CHM: variants seen among roughly 807,000 people sequenced by gnomAD.
The protein encoded by CHM is CHM Rab escort protein, also known as rab proteins geranylgeranyltransferase component A 1.
CHM carries 10 observed loss-of-function variants against 49.0 expected under a neutral mutation model. That is an observed-to-expected ratio of 0.20 (90% CI 0.13 to 0.35). CHM has a LOEUF of 0.35. Ranked by LOEUF, CHM falls within the 10% of genes least tolerant of loss-of-function variation. The pLI is 1.00. For missense variants in CHM, 455 were observed against 478.4 expected (o/e 0.95, Z 0.46); for synonymous variants, 184 against 167.5 (o/e 1.10, Z -0.76).
At chrX:85,896,105 C>CT (rs1364596620) in intron 11 of CHM, among the ~76,000 whole-genome samples, 1 of 99,868 alleles carries the variant, frequency 1.0e-5, no homozygotes, top group Non-Finnish European at 2.0e-5. Flanking sequence ...ATTCTTCCCT[C>CT]TAAGTCTCAT....
chrX:85,942,368 T>C (rs1929161720), intron 8 of CHM, among the ~76,000 whole-genome samples: 1 of 108,028 alleles, frequency 9.3e-6, no homozygotes, highest in South Asian at 4.2e-4. Flanking sequence ...GGAATGTTTA[T>C]CTGAGTTTAA....
chrX:85,921,965 T>C (rs1927811934), intron 8 of CHM, among the ~76,000 whole-genome samples: 2 of 112,078 alleles, frequency 1.8e-5, no homozygotes, highest in Admixed American at 1.9e-4. Context: ...TTTACACACA[T>C]GTGCATGAAC....
chrX:85,892,541 T>G (rs1260456961), intron 12 of CHM, among the ~76,000 whole-genome samples: 14 of 110,510 alleles, frequency 1.3e-4, no homozygotes, highest in African/African-American at 4.6e-4. Flanking sequence ...TTTTGCCTCC[T>G]GCCATGATTC....
intron 12 of CHM, among the ~76,000 whole-genome samples, chrX:85,881,600 C>A: frequency 9.0e-6 from 1 of 111,668 alleles, no homozygotes; most frequent in Middle Eastern, 4.6e-3. Context: ...ATATGGCCTG[C>A]CTGCAGAGTG....
chrX:85,928,169 G>GA (rs1928200838), intron 8 of CHM, among the ~76,000 whole-genome samples: 1 of 112,290 alleles, frequency 8.9e-6, no homozygotes, highest in African/African-American at 3.2e-5. Context: ...TGGACACAAT[G>GA]AAAGTGTCTC....
Position 86,024,352 on chromosome X carries a change from C to A in CHM, c.116+3139G>T, listed in dbSNP as rs149139348. Among the ~76,000 whole-genome samples, 738 of 112,379 alleles carry A rather than the reference C, an allele frequency of 6.6e-3. 2 individuals are homozygous for A. The highest frequency in any genetic ancestry group is 0.022 in the African/African-American group (687 of 30,965). On this transcript the variant is annotated intron_variant, in intron 2 of 14. Coordinates refer to ENST00000357749, the MANE Select transcript of CHM (RefSeq NM_000390.4). Reference sequence around the variant, plus strand: ...CTGTATGACATACAGAAAATTTGGACTTTCTCCTAAAATCCAGTTATATCT... The same window carrying A: ...CTGTATGACATACAGAAAATTTGGAATTTCTCCTAAAATCCAGTTATATCT...
intron 9 of CHM, among the ~76,000 whole-genome samples, chrX:85,910,622 GC>G (rs1926871317): frequency 9.0e-6 from 1 of 111,273 alleles, no homozygotes; most frequent in Non-Finnish European, 1.9e-5. Context: ...CAATCCTAAA[GC>G]AGCCTATAGG....
At chrX:85,917,268 G>A (rs1180352729) in intron 8 of CHM, among the ~76,000 whole-genome samples, 1 of 110,601 alleles carries the variant, frequency 9.0e-6, no homozygotes, top group African/African-American at 3.3e-5. Context: ...ATATAGAGGG[G>A]AACAACATAC....
chrX:85,869,839 A>G (rs1923936595), intron 14 of CHM, among the ~76,000 whole-genome samples: 1 of 112,386 alleles, frequency 8.9e-6, no homozygotes, highest in African/African-American at 3.2e-5. Flanking sequence ...CAGGTGGTTA[A>G]AACATTGGAA....
At chrX:85,987,823 T>G (rs1931996343) in intron 2 of CHM, among the ~76,000 whole-genome samples, 1 of 111,783 alleles carries the variant, frequency 8.9e-6, no homozygotes, top group African/African-American at 3.3e-5. Context: ...AATAAACTGA[T>G]TCTCTGAACA....
chrX:85,921,350 A>C (rs1279739404), intron 8 of CHM, among the ~76,000 whole-genome samples: 1 of 111,724 alleles, frequency 9.0e-6, no homozygotes, highest in South Asian at 3.8e-4. Flanking sequence ...TCTTTGGTGC[A>C]GTTTACAGAA....
In CHM at chrX:85,926,414, T is replaced by G. The variant is rs5968718; in HGVS notation, c.1167-15076A>C. Among the ~76,000 whole-genome samples, 386 of 111,248 alleles carry G rather than the reference T, an allele frequency of 3.5e-3. 1 individual carries two copies. The highest frequency in any genetic ancestry group is 0.011 in the African/African-American group (338 of 30,669). The stretch of plus-strand genomic sequence containing the variant: ...CTCTCAAAGAACTCTGTTAGATGGT[T>G]GAGATATAATTACCTCACAAAAACC... On this transcript the variant is annotated intron_variant, in intron 8 of 14. Transcript: ENST00000357749.
intron 2 of CHM, among the ~76,000 whole-genome samples, chrX:86,012,960 C>G (rs777898885): frequency 4.5e-5 from 5 of 111,400 alleles, no homozygotes; most frequent in Non-Finnish European, 9.4e-5. Context: ...CTGATCCCCA[C>G]CCTTCACCTA....
intron 2 of CHM, among the ~76,000 whole-genome samples, chrX:85,991,552 G>A (rs1932188618): frequency 9.0e-6 from 1 of 111,034 alleles, no homozygotes. Flanking sequence ...TTATTAATAG[G>A]TCTCCCAAGA....
intron 2 of CHM, among the ~76,000 whole-genome samples, chrX:86,001,354 C>CAA (rs370736422): frequency 3.2e-5 from 3 of 94,884 alleles, no homozygotes; most frequent in African/African-American, 7.9e-5. Flanking sequence ...TGTTCATCTG[C>CAA]AAAAAAAAAA....
chrX:85,976,957 G>A (rs965957328), intron 4 of CHM, among the ~76,000 whole-genome samples: 7 of 109,749 alleles, frequency 6.4e-5, no homozygotes, highest in African/African-American at 2.3e-4. Flanking sequence ...AAATAAATAA[G>A]GCTTTTAAGT....
chrX:85,889,207 G>T (rs1925287499), intron 12 of CHM, among the ~76,000 whole-genome samples: 1 of 111,627 alleles, frequency 9.0e-6, no homozygotes, highest in Non-Finnish European at 1.9e-5. Flanking sequence ...AACAAAAATT[G>T]ACAAATGGGA....
At chrX:85,980,354 C>A (rs1931525021) in intron 3 of CHM, among the ~76,000 whole-genome samples, 1 of 112,190 alleles carries the variant, frequency 8.9e-6, no homozygotes, top group Non-Finnish European at 1.9e-5. Context: ...TTGACTTACA[C>A]AGTTTGAATT....
chrX:85,974,224 C>T (rs1005973388), intron 4 of CHM, among the ~76,000 whole-genome samples: 4 of 111,628 alleles, frequency 3.6e-5, no homozygotes, highest in African/African-American at 9.8e-5. Flanking sequence ...CTGAAAATTA[C>T]AAAATTCTAT....
Sources: gnomAD v4.1 joint callset for allele counts (sites outside exome capture counted in the v4.1 genomes callset) on GRCh38, gnomAD v4.1.1 for gene constraint, MANE v1.5 for transcripts, NCBI Gene and HGNC (gene_info 2026-07-23, HGNC 2026-07-21) for gene names.